GAS7: variants seen among roughly 807,000 people sequenced by gnomAD.
The protein encoded by GAS7 is growth arrest-specific protein 7.
GAS7 carries 28 observed loss-of-function variants against 71.1 expected under a neutral mutation model. The ratio of observed to expected loss-of-function variants is 0.39; its 90% CI spans 0.29 to 0.54. The LOEUF (loss-of-function observed/expected upper bound fraction) is 0.54. GAS7 is among the 20% of genes least tolerant of loss of function. The pLI, the probability that GAS7 is intolerant of heterozygous loss-of-function variation, is 0.62. For synonymous variants in GAS7, 258 were observed against 245.8 expected, an observed-to-expected ratio of 1.05 and a Z score of -0.46; for missense variants, 436 against 627.8, an observed-to-expected ratio of 0.69 and a Z score of 3.27.
chr17:9,967,991 T>C (rs184207448), intron 4 of GAS7, among the ~76,000 whole-genome samples: 4 of 152,376 alleles, frequency 2.6e-5, no homozygotes, highest in African/African-American at 9.6e-5. Context: ...GATTATGTTT[T>C]ATCAGGGAAG....
intron 1 of GAS7, among the ~76,000 whole-genome samples, chr17:10,063,754 G>A (rs372623038): frequency 1.8e-4 from 28 of 152,208 alleles, no homozygotes; most frequent in East Asian, 7.7e-4. Flanking sequence ...TGTTCACCAC[G>A]GCAGCTTCCT....
intron 1 of GAS7, among the ~76,000 whole-genome samples, chr17:10,112,681 G>A (rs1410434703): frequency 6.6e-6 from 1 of 151,818 alleles, no homozygotes; most frequent in Non-Finnish European, 1.5e-5. Context: ...AGAGGTTGTG[G>A]TGAGCTGAGA....
At chr17:10,042,086 C>T (rs1022008925) in intron 1 of GAS7, among the ~76,000 whole-genome samples, 2 of 152,120 alleles carry the variant, frequency 1.3e-5, no homozygotes, top group South Asian at 2.1e-4. Context: ...CATGAGGTCA[C>T]GAGTTCAAAA....
chr17:10,029,260 G>C (rs2072549410), intron 1 of GAS7, among the ~76,000 whole-genome samples: 1 of 152,170 alleles, frequency 6.6e-6, no homozygotes, highest in Non-Finnish European at 1.5e-5. Flanking sequence ...CTTCAAGGTA[G>C]CCAAGCTGTC....
chr17:10,132,399 CTT>C (rs1230249612), intron 1 of GAS7, among the ~76,000 whole-genome samples: 1 of 152,214 alleles, frequency 6.6e-6, no homozygotes, highest in Non-Finnish European at 1.5e-5. Flanking sequence ...TCATCTCAGT[CTT>C]TGTCTACTCG....
At chr17:10,083,055 A>C (rs770313741) in intron 1 of GAS7, among the ~76,000 whole-genome samples, 6 of 152,208 alleles carry the variant, frequency 3.9e-5, no homozygotes, top group Non-Finnish European at 7.3e-5. Flanking sequence ...TTACACACTG[A>C]CTAATTCAAG....
At position 10,128,388 on chromosome 17, in the gene GAS7, G is replaced by C. The variant is rs374197251; in HGVS notation, c.183+69820C>G. The stretch of plus-strand genomic sequence containing the variant: ...AGCCATTAGAGGGAGTGGACGGGAG[G>C]GGTGGATGGGAGACCCACAAACCCA... On this transcript the variant is annotated intron_variant, in intron 1 of 13. Transcript: ENST00000432992. 1.2e-4 allele frequency among the ~76,000 whole-genome samples: 19 copies of C among 152,246 alleles called. No individual in the cohort carries two copies. The East Asian group carries it at 3.1e-3, about 25-fold the overall frequency.
chr17:9,957,089 C>T (rs967943846), intron 5 of GAS7, among the ~76,000 whole-genome samples: 4 of 151,918 alleles, frequency 2.6e-5, no homozygotes, highest in African/African-American at 9.7e-5. Flanking sequence ...GTTTTGTGAC[C>T]TCTGGCCAGT....
At position 10,198,532 on chromosome 17, in the gene GAS7, T is replaced by C; in HGVS notation, c.-142A>G. 1 of 464,626 alleles carries C rather than the reference T, an allele frequency of 2.2e-6. No individual in the cohort carries two copies. The highest frequency in any genetic ancestry group is 3.5e-6 in the Non-Finnish European group (1 of 284,172). The allele number at this position is 464,626 out of a possible 1,614,324, so 28.8% of individuals were successfully genotyped here. ...GCGCCGTCTCTGGGGTGCGCGGGGG[T>C]CCTCAGGCAGGCGGGGGACGCGCGC... is the stretch of plus-strand genomic sequence containing the variant. On this transcript the variant is annotated 5_prime_UTR_variant, in exon 1 of 14. Coordinates refer to ENST00000432992, the MANE Select transcript of GAS7 (RefSeq NM_201433.2).
chr17:10,131,037 C>T (rs2073993015), intron 1 of GAS7, among the ~76,000 whole-genome samples: 1 of 152,174 alleles, frequency 6.6e-6, no homozygotes, highest in Non-Finnish European at 1.5e-5. Flanking sequence ...GTTATCAAAA[C>T]ATAAAAGGTA....
At chr17:10,093,485 C>T (rs866172267) in intron 1 of GAS7, among the ~76,000 whole-genome samples, 4 of 139,732 alleles carry the variant, frequency 2.9e-5, no homozygotes, top group South Asian at 4.5e-4. Flanking sequence ...AGGAGAATCG[C>T]TTGAACCCAG....
Position 10,005,255 on chromosome 17 carries a change from GCACACATA to G in GAS7, c.304+14514_304+14521del, listed in dbSNP as rs1272302396. On this transcript the variant is annotated intron_variant, in intron 2 of 13. Coordinates refer to ENST00000432992, the MANE Select transcript of GAS7 (RefSeq NM_201433.2). ...TGTATGTGCGCGCATGCATGTGTGT[GCACACATA>G]CATGTATGTATATGTATATACATGC... Among the ~76,000 whole-genome samples the G allele has an allele frequency of 6.1e-4, 91 of 148,796 alleles. 1 individual carries two copies. The highest frequency in any genetic ancestry group is 2.2e-3 in the African/African-American group (88 of 39,292).
intron 5 of GAS7, among the ~76,000 whole-genome samples, chr17:9,950,090 C>T (rs937186731): frequency 1.1e-4 from 17 of 152,134 alleles, no homozygotes; most frequent in African/African-American, 4.1e-4. Context: ...TCTCAAACTC[C>T]TGACCCCAAG....
intron 6 of GAS7, among the ~76,000 whole-genome samples, chr17:9,944,251 A>G (rs1259653159): frequency 6.6e-6 from 1 of 152,176 alleles, no homozygotes; most frequent in Non-Finnish European, 1.5e-5. Flanking sequence ...AGGCATGTCT[A>G]AAAGTGTCCT....
rs1555523683 is a variant in GAS7, at chr17:10,016,620, A to AACAAAACAAAAAAAAAAAAAC, written c.304+3156_304+3157insGTTTTTTTTTTTTTGTTTTGT. On this transcript the variant is annotated intron_variant, in intron 2 of 13. Coordinates refer to ENST00000432992, the MANE Select transcript of GAS7 (RefSeq NM_201433.2). ...TCTCTACCAAAAAAAAAAAAAAAAA[A>AACAAAACAAAAAAAAAAAAAC]AAAACAAAACAAAAAAAACTGTTTT... Among the ~76,000 whole-genome samples, 119 of 131,644 alleles carry AACAAAACAAAAAAAAAAAAAC rather than the reference A, an allele frequency of 9.0e-4. 1 individual carries two copies. Among genetic ancestry groups the AACAAAACAAAAAAAAAAAAAC allele is most frequent in the African/African-American group, 3.5e-3 (115 of 32,746 alleles). 86.4% of individuals were successfully genotyped at this position (131,644 alleles called of 152,430 possible).
At chr17:10,112,702 G>A (rs2073824813) in intron 1 of GAS7, among the ~76,000 whole-genome samples, 1 of 151,064 alleles carries the variant, frequency 6.6e-6, no homozygotes. Flanking sequence ...TCATACCAGT[G>A]CACTCCAGCC....
At chr17:9,960,562 G>A (rs1463046860) in intron 4 of GAS7, among the ~76,000 whole-genome samples, 2 of 152,220 alleles carry the variant, frequency 1.3e-5, no homozygotes, top group African/African-American at 4.8e-5. Context: ...AAAAAGGATG[G>A]AGGGGCTTCA....
At chr17:10,038,042 T>C (rs536046369) in intron 1 of GAS7, among the ~76,000 whole-genome samples, 6 of 151,276 alleles carry the variant, frequency 4.0e-5, no homozygotes, top group Admixed American at 1.3e-4. Flanking sequence ...TCACACCCAT[T>C]AGGACAGGTT....
chr17:9,973,168 G>A (rs775982129), intron 3 of GAS7, among the ~76,000 whole-genome samples: 2 of 152,100 alleles, frequency 1.3e-5, no homozygotes, highest in Admixed American at 6.5e-5. Context: ...CAGCAGATAA[G>A]CCAGGGTAAT....
Sources: allele counts gnomAD v4.1 joint callset (sites outside exome capture counted in the v4.1 genomes callset), GRCh38; gene constraint gnomAD v4.1.1; transcripts MANE v1.5; gene names NCBI Gene and HGNC (gene_info 2026-07-23, HGNC 2026-07-21).